Variants in ATP11C observed in about 807,000 individuals in gnomAD.
ATP11C encodes the protein phospholipid-transporting ATPase IG.
Under a neutral mutation model 97.4 loss-of-function variants are expected in ATP11C, and 36 were observed. The observed-to-expected ratio is 0.37, with a 90% CI of 0.28 to 0.49. ATP11C has a LOEUF of 0.49. Among genes scored for constraint, ATP11C ranks in the 20% least tolerant of loss-of-function variants. ATP11C has a pLI of 0.98. For synonymous variants in ATP11C, 275 were observed against 290.9 expected (o/e 0.95, Z 0.56); for missense variants, 730 against 824.6 (o/e 0.89, Z 1.40).
At chrX:139,803,109 A>G (rs1406755536) in intron 6 of ATP11C, among the ~76,000 whole-genome samples, 1 of 111,836 alleles carries the variant, frequency 8.9e-6, no homozygotes, top group Non-Finnish European at 1.9e-5. Context: ...ATTTAAAACT[A>G]TCTCCTGATT....
At position 139,800,081 on chromosome X, in the gene ATP11C, T is replaced by C; in HGVS notation, c.689A>G (p.Asn230Ser). ...TTACCTGGCAACAGCCTCAAGACTA[T>C]TACTGTAGATATTGATTCGCCCAAC... ...KFVGRINIYSNSLEAVARSLG... is the reference protein window; with the variant it reads ...KFVGRINIYSSSLEAVARSLG... The change falls in exon 8 of 30, where the codon AAT (asparagine) becomes AGT (serine). Residue 230 changes from asparagine to serine, a missense_variant. Coordinates refer to ENST00000682941, the MANE Select transcript of ATP11C (RefSeq NM_001353812.2). 2.7e-6 allele frequency: 3 copies of C among 1,111,604 alleles called. No homozygotes were observed. Among genetic ancestry groups the C allele is most frequent in the South Asian group, 1.9e-5 (1 of 53,522 alleles). The allele number at this position is 1,111,604 out of a possible 1,213,427, so 91.6% of individuals were successfully genotyped here.
At chrX:139,822,419 GTTTGTTTT>G (rs2083431524) in intron 2 of ATP11C, among the ~76,000 whole-genome samples, 1 of 102,900 alleles carries the variant, frequency 9.7e-6, no homozygotes, top group Admixed American at 1.0e-4. Flanking sequence ...TTGTTTGTTT[GTTTGTTTT>G]TTTTGAGACA....
chrX:139,789,135 G>A (rs866558887), intron 13 of ATP11C, among the ~76,000 whole-genome samples, 192 bp downstream of exon 13: 8 of 109,386 alleles, frequency 7.3e-5, no homozygotes, highest in Middle Eastern at 4.7e-3. Flanking sequence ...CCTGGGAAGC[G>A]GAGGTTGCAG....
At chrX:139,907,791 C>G (rs2085006900) in intron 1 of ATP11C, among the ~76,000 whole-genome samples, 1 of 110,032 alleles carries the variant, frequency 9.1e-6, no homozygotes, top group Admixed American at 9.7e-5. Context: ...CTTACCTTCT[C>G]TGGGTTGTTA....
chrX:139,801,660 T>C (rs2082930017), intron 7 of ATP11C, among the ~76,000 whole-genome samples: 2 of 111,657 alleles, frequency 1.8e-5, no homozygotes, highest in Non-Finnish European at 3.8e-5. Flanking sequence ...AGTCTTGAAA[T>C]CAAACGCCAA....
Position 139,797,177 on chromosome X carries a change from T to C in ATP11C, c.1007A>G (p.Lys336Arg). 2.5e-6 allele frequency: 3 copies of C among 1,200,683 alleles called. No individual in the cohort carries two copies. Among genetic ancestry groups the C allele is most frequent in the Non-Finnish European group, 3.4e-6 (3 of 892,484 alleles). ...AATTTTCAGCAGAAAACAAATTACC[T>C]TCAAGGTCTCTCGCTCTTTCTGAGT... is the stretch of plus-strand genomic sequence containing the variant. ...QKTQKERETL[K>R]VLKMFTDFLS... The change falls in exon 11 of 30, where the codon AAG becomes AGG. Residue 336 changes from lysine (K) to arginine (R), a missense_variant and splice_region_variant. Coordinates refer to ENST00000682941, the MANE Select transcript of ATP11C (RefSeq NM_001353812.2).
intron 1 of ATP11C, among the ~76,000 whole-genome samples, chrX:139,879,889 G>C (rs1397842787): frequency 9.0e-6 from 1 of 111,003 alleles, no homozygotes; most frequent in African/African-American, 3.3e-5. Flanking sequence ...ATTTCAGAAG[G>C]AGAGAAGGTT....
At chrX:139,796,879 TAA>T (rs1161119768) in intron 11 of ATP11C, among the ~76,000 whole-genome samples, 2 of 111,503 alleles carry the variant, frequency 1.8e-5, no homozygotes, top group Non-Finnish European at 3.8e-5. Context: ...AATTCTTATA[TAA>T]AGAGCTAAAA....
chrX:139,868,949 T>C (rs867150110), intron 1 of ATP11C, among the ~76,000 whole-genome samples: 59 of 111,470 alleles, frequency 5.3e-4, no homozygotes, highest in African/African-American at 1.8e-3. Flanking sequence ...ATGGATATTA[T>C]CAAAAAAATC....
upstream of ATP11C, among the ~76,000 whole-genome samples, chrX:139,935,317 G>A (rs2085511854): frequency 1.8e-5 from 2 of 112,115 alleles, no homozygotes; most frequent in South Asian, 7.4e-4. Flanking sequence ...TGTAATCCCA[G>A]CACTTTGGGA....
intron 7 of ATP11C, among the ~76,000 whole-genome samples, chrX:139,802,035 T>C (rs2082936799): frequency 8.9e-6 from 1 of 111,942 alleles, no homozygotes; most frequent in African/African-American, 3.2e-5. Flanking sequence ...AATCATAAGA[T>C]ACCTGGGCCC....
intron 1 of ATP11C, among the ~76,000 whole-genome samples, chrX:139,929,222 C>T (rs1452321047): frequency 9.0e-6 from 1 of 111,589 alleles, no homozygotes; most frequent in Non-Finnish European, 1.9e-5. Flanking sequence ...ACTCTTAAAT[C>T]CTTTAGGACA....
At chrX:139,852,814 G>A (rs2084019921) in intron 1 of ATP11C, among the ~76,000 whole-genome samples, 1 of 110,817 alleles carries the variant, frequency 9.0e-6, no homozygotes, top group African/African-American at 3.3e-5. Flanking sequence ...AGCAGCCAGA[G>A]AGGACAGCAC....
At chrX:139,926,512 T>C (rs994823131) in intron 1 of ATP11C, among the ~76,000 whole-genome samples, 3 of 111,579 alleles carry the variant, frequency 2.7e-5, no homozygotes, top group East Asian at 2.8e-4. Flanking sequence ...CTTTACCTCC[T>C]AGAACCCACT....
intron 24 of ATP11C, 90 bp downstream of exon 24, chrX:139,749,935 T>C: frequency 4.3e-6 from 4 of 920,987 alleles, no homozygotes; most frequent in Non-Finnish European, 6.0e-6. Flanking sequence ...ACAAACCAAG[T>C]GCACAGTTCT....
chrX:139,768,616 C>T (rs972543384), intron 19 of ATP11C, among the ~76,000 whole-genome samples, 182 bp from the exon 20 acceptor site: 2 of 110,553 alleles, frequency 1.8e-5, no homozygotes, highest in Non-Finnish European at 1.9e-5. Context: ...GATTTGCAAT[C>T]GTATCTTTGA....
At chrX:139,749,312 A>C (rs2081759773) in intron 24 of ATP11C, among the ~76,000 whole-genome samples, 1 of 112,150 alleles carries the variant, frequency 8.9e-6, no homozygotes, top group African/African-American at 3.2e-5. Context: ...AAATTTGTGT[A>C]TCTTCATTTC....
At chrX:139,819,839 T>C (rs1369694601) in intron 2 of ATP11C, among the ~76,000 whole-genome samples, 1 of 112,086 alleles carries the variant, frequency 8.9e-6, no homozygotes, top group East Asian at 2.8e-4. Flanking sequence ...TCACCTGTAT[T>C]GTTTACAATT....
intron 18 of ATP11C, among the ~76,000 whole-genome samples, chrX:139,777,669 A>C (rs72616300): frequency 0.025 from 2,817 of 110,631 alleles, 100 homozygotes; most frequent in East Asian, 0.17. Flanking sequence ...AAATTCAGAG[A>C]ACAACTGTGA....
Sources: allele counts gnomAD v4.1 joint callset (sites outside exome capture counted in the v4.1 genomes callset), GRCh38; gene constraint gnomAD v4.1.1; transcripts MANE v1.5; gene names NCBI Gene and HGNC (gene_info 2026-07-23, HGNC 2026-07-21).